The following RORC variants were observed in gnomAD, a reference collection of about 807,000 sequenced individuals.
RORC encodes nuclear receptor ROR-gamma.
Under a neutral mutation model 64.5 loss-of-function variants are expected in RORC, and 13 were observed. The ratio of observed to expected loss-of-function variants is 0.20; its 90% CI spans 0.13 to 0.32. The LOEUF is 0.32. Ranked by LOEUF, RORC falls within the 10% of genes least tolerant of loss-of-function variation. The pLI is 1.00. For missense variants in RORC, 468 were observed against 669.5 expected (o/e 0.70, Z 3.32); for synonymous variants, 277 against 259.3 (o/e 1.07, Z -0.65).
intron 2 of RORC, chr1:151,826,146 C>T (rs1161154984): frequency 8.0e-7 from 1 of 1,246,268 alleles, no homozygotes; most frequent in Non-Finnish European, 1.0e-6. Context: ...CAACCCCCCA[C>T]CCCACCCCCA....
rs530155674 is a variant in RORC at position 151,824,348 on chromosome 1, A to G, written c.70+5081T>C. 2.6e-5 allele frequency among the ~76,000 whole-genome samples: 4 copies of G among 152,264 alleles called. No homozygotes were observed. In the South Asian group the frequency reaches 8.3e-4, roughly 32 times the overall value. ...GGAGAGCTGGCCAAGTGTCTCCCTCAGCCCCTCCTGGGGACTCCTGCCCCG... is the reference window on the plus strand; with the variant it reads ...GGAGAGCTGGCCAAGTGTCTCCCTCGGCCCCTCCTGGGGACTCCTGCCCCG... On this transcript the variant is annotated intron_variant, in intron 2 of 10. Transcript: ENST00000318247.
At chr1:151,831,591 AC>A in intron 1 of RORC, 133 bp downstream of exon 1, 1 of 1,566,496 alleles carries the variant, frequency 6.4e-7, no homozygotes, top group Non-Finnish European at 8.7e-7. Flanking sequence ...CTCCCTGCCA[AC>A]CCAGGGCTTT....
At position 151,807,253 on chromosome 1, in the gene RORC, G is replaced by A; in HGVS notation, c.*219C>T. 1.9e-6 allele frequency: 1 copy of A among 523,470 alleles called. No homozygotes were observed. Among genetic ancestry groups the A allele is most frequent in the Non-Finnish European group, 3.4e-6 (1 of 293,818 alleles). The allele number at this position is 523,470 out of a possible 1,614,324, so 32.4% of individuals were successfully genotyped here. A position where few individuals can be genotyped will look rare whatever the true frequency, so the allele number is the denominator to read the frequency against. ...GGGAAATGAGACAGGTCAAAGCTGA[G>A]GCTGGAGATGGTGTTCTGCCAGCCC... On this transcript the variant is annotated 3_prime_UTR_variant, in exon 11 of 11. Transcript: ENST00000318247. The surrounding 1 kb of genome is among the most constrained non-coding windows in gnomAD (Gnocchi z 5.0).
In RORC at chr1:151,807,370, AC is replaced by A; in HGVS notation, c.*101del. On this transcript the variant is annotated 3_prime_UTR_variant, in exon 11 of 11. Coordinates refer to ENST00000318247, the MANE Select transcript of RORC (RefSeq NM_005060.4). This position sits in a 1 kb window ranked among gnomAD's most constrained non-coding sequence, Gnocchi z 5.0. The stretch of plus-strand genomic sequence containing the variant: ...CACTTCCAAAGAGCTGGTGGGGACC[AC>A]CCTCCAGGGTTCATGGGAAAGGAAA... 1 of 1,237,774 alleles carries A rather than the reference AC, an allele frequency of 8.1e-7. No homozygotes were observed. 76.7% of individuals were successfully genotyped at this position (1,237,774 alleles called of 1,614,324 possible). A position where few individuals can be genotyped will look rare whatever the true frequency, so the allele number is the denominator to read the frequency against.
intron 10 of RORC, among the ~76,000 whole-genome samples, chr1:151,810,690 C>G (rs190301679): frequency 6.6e-6 from 1 of 152,270 alleles, no homozygotes; most frequent in African/African-American, 2.4e-5. Flanking sequence ...TGCCACCATG[C>G]CTGGCTAATT....
intron 2 of RORC, among the ~76,000 whole-genome samples, chr1:151,829,018 C>T (rs1450951415): frequency 6.6e-6 from 1 of 151,434 alleles, no homozygotes; most frequent in Non-Finnish European, 1.5e-5. Flanking sequence ...CTCCCTGTCT[C>T]CCTTGGCAGC....
intron 3 of RORC, 29 bp downstream of exon 3, chr1:151,817,154 GCACACGCACACA>G (rs1651797106): frequency 7.7e-7 from 1 of 1,301,014 alleles, no homozygotes; most frequent in Non-Finnish European, 1.1e-6. Context: ...GCTTGTGTAT[GCACACGCACACA>G]TGCATGCATA....
At chr1:151,826,194 G>T in intron 2 of RORC, 1 of 817,474 alleles carries the variant, frequency 1.2e-6, no homozygotes, top group Non-Finnish European at 1.6e-6. Context: ...GCCCCACGTG[G>T]CCAATCTGGG....
At chr1:151,826,412 C>T (rs891092874) in intron 2 of RORC, among the ~76,000 whole-genome samples, 7 of 152,184 alleles carry the variant, frequency 4.6e-5, no homozygotes, top group African/African-American at 1.7e-4. Flanking sequence ...ACCCTCTTTG[C>T]CAGGTGACTT....
rs1187660480 is a variant in RORC at position 151,813,171 on chromosome 1, C to T, written c.1174+68G>A. On this transcript the variant is annotated intron_variant, in intron 8 of 10. Transcript: ENST00000318247. ...GCAATTCGCCCTGAAAAGAGGGTGC[C>T]CTGGGTCACAAAGCTTTGCCTGGGG... 3 of 1,522,626 alleles carry T rather than the reference C, an allele frequency of 2.0e-6. No individual in the cohort carries two copies. In the African/African-American group the frequency reaches 4.1e-5, roughly 21 times the overall value. 94.3% of individuals were successfully genotyped at this position (1,522,626 alleles called of 1,614,324 possible). A position where few individuals can be genotyped will look rare whatever the true frequency, so the allele number is the denominator to read the frequency against.
chr1:151,816,887 T>G, intron 3 of RORC, 82 bp from the exon 4 acceptor site: 35 of 1,390,106 alleles, frequency 2.5e-5, no homozygotes, highest in Non-Finnish European at 3.1e-5. Flanking sequence ...CCACAAGCTC[T>G]GGCAGCTTTT....
intron 2 of RORC, among the ~76,000 whole-genome samples, chr1:151,819,305 T>A (rs1385622807): frequency 3.3e-5 from 5 of 152,164 alleles, no homozygotes; most frequent in Non-Finnish European, 5.9e-5. Context: ...TTATTGCCTG[T>A]CCATGGGGTG....
At chr1:151,823,417 C>T (rs762673848) in intron 2 of RORC, among the ~76,000 whole-genome samples, 6 of 152,162 alleles carry the variant, frequency 3.9e-5, no homozygotes, top group East Asian at 1.9e-4. Context: ...GTCTCTTTGG[C>T]GTACAGACAC....
chr1:151,815,223 A>G lies in RORC; in HGVS notation c.501T>C (p.Pro167=). ...GGCCAGGGGGACAGGCAGAAGCCTC[A>G]GGCAGGTCAGGCGAGGAGCCCAGGG... ...QLPLGSSPDL[P]EASACPPGLL... is the part of the protein sequence containing the mutation. Residue 167 remains proline (P), a synonymous_variant, in exon 5 of 11, where the codon CCT becomes CCC. Coordinates refer to ENST00000318247, the MANE Select transcript of RORC (RefSeq NM_005060.4). The G allele has an allele frequency of 1.2e-6, 2 of 1,613,246 alleles. No homozygotes were observed. Among genetic ancestry groups the G allele is most frequent in the Non-Finnish European group, 1.7e-6 (2 of 1,179,442 alleles).
intron 6 of RORC, chr1:151,814,014 TGA>T: frequency 5.2e-6 from 1 of 192,330 alleles, no homozygotes. Context: ...GCAGGTGGTA[TGA>T]GAGTGTGATC....
At chr1:151,824,177 G>A (rs1422909059) in intron 2 of RORC, among the ~76,000 whole-genome samples, 1 of 152,148 alleles carries the variant, frequency 6.6e-6, no homozygotes, top group Admixed American at 6.5e-5. Context: ...GGCACTCATT[G>A]GGGTCAGATA....
intron 10 of RORC, among the ~76,000 whole-genome samples, chr1:151,808,404 A>G (rs189870940): frequency 6.6e-6 from 1 of 152,184 alleles, no homozygotes; most frequent in Non-Finnish European, 1.5e-5. Flanking sequence ...AGAACAATTT[A>G]TCTCTTGCAG....
Position 151,814,491 on chromosome 1 carries a change from C to T in RORC, c.933+83G>A, listed in dbSNP as rs1651667877. The stretch of plus-strand genomic sequence containing the variant: ...TGTGATGTCCCGCCCTGCCCCAGGA[C>T]CCAGTCGTGCGCAGGTAGCCATCTC... On this transcript the variant is annotated intron_variant, in intron 6 of 10. Coordinates refer to ENST00000318247, the MANE Select transcript of RORC (RefSeq NM_005060.4). 8 of 1,460,144 alleles carry T rather than the reference C, an allele frequency of 5.5e-6. No homozygotes were observed. In the East Asian group the frequency reaches 1.9e-4, roughly 34 times the overall value. 90.4% of individuals were successfully genotyped at this position (1,460,144 alleles called of 1,614,324 possible).
chr1:151,813,736 C>T, intron 6 of RORC, 116 bp from the exon 7 acceptor site: 1 of 1,177,554 alleles, frequency 8.5e-7, no homozygotes. Flanking sequence ...CCTATGTTCT[C>T]AACTAGCATT....
Sources: allele counts gnomAD v4.1 joint callset (sites outside exome capture counted in the v4.1 genomes callset), GRCh38; gene constraint gnomAD v4.1.1; non-coding constraint Gnocchi (gnomAD v3.1); transcripts MANE v1.5; gene names NCBI Gene and HGNC (gene_info 2026-07-23, HGNC 2026-07-21).